Variants in FRS2 observed in about 807,000 individuals in gnomAD.
FRS2 encodes the protein fibroblast growth factor receptor substrate 2, also known as FGFR signalling adaptor.
A neutral mutation model predicts 43.9 loss-of-function variants in FRS2; 8 were observed. The observed-to-expected ratio is 0.18, with a 90% CI of 0.11 to 0.33. The LOEUF is 0.33. Among genes scored for constraint, FRS2 ranks in the 10% least tolerant of loss-of-function variants. The pLI is 1.00. For missense variants in FRS2, 534 were observed against 627.6 expected (o/e 0.85, Z 1.59); for synonymous variants, 219 against 220.3 (o/e 0.99, Z 0.05).
chr12:69,512,069 A>G (rs746784596), intron 1 of FRS2, among the ~76,000 whole-genome samples: 8 of 152,128 alleles, frequency 5.3e-5, no homozygotes, highest in Non-Finnish European at 8.8e-5. Context: ...GTGTCTGCCA[A>G]TTTTGAAGGA....
intron 3 of FRS2, among the ~76,000 whole-genome samples, chr12:69,559,552 G>A (rs748135770): frequency 9.9e-5 from 15 of 152,116 alleles, no homozygotes; most frequent in Non-Finnish European, 2.1e-4. Context: ...GTAGTTTTGT[G>A]TATAGGTGTG....
chr12:69,535,563 T>C (rs1877191923), intron 3 of FRS2, among the ~76,000 whole-genome samples: 1 of 152,226 alleles, frequency 6.6e-6, no homozygotes, highest in African/African-American at 2.4e-5. Context: ...TTCAAATAAT[T>C]TGACCTCTTG....
chr12:69,516,079 A>G (rs1432141031), intron 1 of FRS2, among the ~76,000 whole-genome samples: 2 of 152,108 alleles, frequency 1.3e-5, no homozygotes, highest in East Asian at 3.8e-4. Flanking sequence ...TTACTTTAGT[A>G]CAAGTCTGTC....
At chr12:69,549,719 G>T (rs1436210997) in intron 3 of FRS2, among the ~76,000 whole-genome samples, 1 of 152,210 alleles carries the variant, frequency 6.6e-6, no homozygotes, top group African/African-American at 2.4e-5. Flanking sequence ...ACAATTGTCT[G>T]TCTCTGTTCT....
intron 1 of FRS2, among the ~76,000 whole-genome samples, chr12:69,528,143 G>A (rs1170243611): frequency 6.6e-6 from 1 of 152,156 alleles, no homozygotes; most frequent in Non-Finnish European, 1.5e-5. Flanking sequence ...CTGTCCCCTG[G>A]CTATCTCTCT....
chr12:69,510,462 G>C (rs917293737), intron 1 of FRS2, among the ~76,000 whole-genome samples: 1 of 152,020 alleles, frequency 6.6e-6, no homozygotes, highest in African/African-American at 2.4e-5. Context: ...TACAGTTCTT[G>C]GCCCATGATA....
chr12:69,565,062 C>T (rs1421630004), intron 4 of FRS2, among the ~76,000 whole-genome samples: 1 of 152,192 alleles, frequency 6.6e-6, no homozygotes, highest in Non-Finnish European at 1.5e-5. Context: ...AGTGTACTTA[C>T]ACAAACCTAA....
chr12:69,489,578 G>A (rs1872268832), intron 1 of FRS2, among the ~76,000 whole-genome samples: 2 of 151,542 alleles, frequency 1.3e-5, no homozygotes. Context: ...GCTGAGGCAG[G>A]AGAATCGCTT....
intron 3 of FRS2, among the ~76,000 whole-genome samples, chr12:69,557,621 C>CGCGCGCGCGT (rs1555192547): frequency 1.2e-5 from 1 of 82,288 alleles, no homozygotes; most frequent in African/African-American, 4.6e-5. Context: ...TGTGTGTGTG[C>CGCGCGCGCGT]GCGCGCGCGC....
intron 1 of FRS2, among the ~76,000 whole-genome samples, chr12:69,495,719 C>T (rs577220930): frequency 6.6e-6 from 1 of 152,322 alleles, no homozygotes; most frequent in Admixed American, 6.5e-5. Flanking sequence ...AAGACACTGT[C>T]TCTACAAAAT....
intron 3 of FRS2, among the ~76,000 whole-genome samples, chr12:69,544,524 T>C: frequency 6.6e-6 from 1 of 151,994 alleles, no homozygotes; most frequent in East Asian, 1.9e-4. Context: ...CTGGCCAACA[T>C]GGTGAAACCC....
At chr12:69,471,099 C>G (rs1288494580) in intron 1 of FRS2, among the ~76,000 whole-genome samples, 1 of 152,096 alleles carries the variant, frequency 6.6e-6, no homozygotes, top group Non-Finnish European at 1.5e-5. Flanking sequence ...GGGCTCGGAA[C>G]CGGTCCTGGA....
chr12:69,477,272 C>CTTTTTT (rs11300091), intron 1 of FRS2, among the ~76,000 whole-genome samples: 10 of 103,138 alleles, frequency 9.7e-5, no homozygotes, highest in Non-Finnish European at 1.3e-4. Context: ...TTTTAAAATA[C>CTTTTTT]TTTTTTTTTT....
rs368962859 is a variant in FRS2 at position 69,570,411 on chromosome 12, C to T, written c.147C>T (p.Thr49=). 5 of 1,612,490 alleles carry T rather than the reference C, an allele frequency of 3.1e-6. No individual in the cohort carries two copies. The highest frequency in any genetic ancestry group is 2.2e-5 in the East Asian group (1 of 44,878). The change falls in exon 6 of 9, where the codon ACC becomes ACT. Residue 49 remains threonine, a synonymous_variant. Transcript: ENST00000549921. ...ELTDTELILY[T]RKRDSVKWHY... is the part of the protein sequence containing the mutation. ...CAGACACAGAACTGATTTTATACAC[C>T]CGCAAACGTGACTCAGTAAAATGGC...
rs201103216 is a variant in FRS2 at position 69,522,190 on chromosome 12, TTGTGTGTG to T, written c.-260-8635_-260-8628del. Among the ~76,000 whole-genome samples the T allele has an allele frequency of 4.7e-3, 630 of 134,814 alleles. 4 individuals are homozygous for T. The highest frequency in any genetic ancestry group is 0.013 in the African/African-American group (459 of 35,504). 88.4% of individuals were successfully genotyped at this position (134,814 alleles called of 152,430 possible). ...TCAAGGATATTGGCTGAAGTTTTCT[TTGTGTGTG>T]TGTGTGTGTGTGTGTGTGTGTGTGT... On this transcript the variant is annotated intron_variant, in intron 1 of 8. Coordinates refer to ENST00000549921, the MANE Select transcript of FRS2 (RefSeq NM_001278356.2).
At chr12:69,570,633 T>G (rs1036032954) in intron 6 of FRS2, 116 bp downstream of exon 6, 2 of 652,384 alleles carry the variant, frequency 3.1e-6, no homozygotes, top group Non-Finnish European at 5.3e-6. Flanking sequence ...AATAAACAGA[T>G]TGTTAAGGAA....
At chr12:69,486,073 A>G (rs1040290610) in intron 1 of FRS2, 10 of 152,208 alleles carry the variant, frequency 6.6e-5, no homozygotes, top group African/African-American at 2.4e-4. Flanking sequence ...GCCATGCAGC[A>G]TTATCCATTA....
intron 1 of FRS2, among the ~76,000 whole-genome samples, chr12:69,480,885 G>A (rs1317189687): frequency 6.6e-6 from 1 of 152,060 alleles, no homozygotes; most frequent in Non-Finnish European, 1.5e-5. Flanking sequence ...ATGGTGCCAC[G>A]CCTTCTTGTC....
At chr12:69,563,588 C>G (rs1186518714) in intron 4 of FRS2, among the ~76,000 whole-genome samples, 2 of 152,184 alleles carry the variant, frequency 1.3e-5, no homozygotes, top group Non-Finnish European at 2.9e-5. Flanking sequence ...ACTGTCTATC[C>G]TGTGGACTGC....
Sources: gnomAD v4.1 joint callset for allele counts (sites outside exome capture counted in the v4.1 genomes callset) on GRCh38, gnomAD v4.1.1 for gene constraint, MANE v1.5 for transcripts, NCBI Gene and HGNC (gene_info 2026-07-23, HGNC 2026-07-21) for gene names.